The following F8 variants were observed in gnomAD, a reference collection of about 807,000 sequenced individuals.
The protein encoded by F8 is coagulation factor VIII, also known as antihemophilic factor.
A neutral mutation model predicts 140.6 loss-of-function variants in F8; 12 were observed. That is an observed-to-expected ratio of 0.09 (90% CI 0.05 to 0.14). The LOEUF (loss-of-function observed/expected upper bound fraction) is 0.14, where lower values mean the gene tolerates loss of function less well. F8 is among the 10% of genes least tolerant of loss of function. The pLI is 1.00. For synonymous variants in F8, 585 were observed against 614.6 expected (o/e 0.95, Z 0.71); for missense variants, 1,354 against 1,720.7 (o/e 0.79, Z 3.77).
At chrX:155,004,320 T>C (rs2073665463) in intron 1 of F8, among the ~76,000 whole-genome samples, 5 of 112,325 alleles carry the variant, frequency 4.5e-5, no homozygotes, top group Admixed American at 3.8e-4. Flanking sequence ...GACCTGCCTT[T>C]CAATAAATAT....
intron 12 of F8, among the ~76,000 whole-genome samples, chrX:154,952,548 T>G (rs2073342611): frequency 9.2e-6 from 1 of 108,605 alleles, no homozygotes; most frequent in African/African-American, 3.4e-5. Context: ...TCAGGATTTT[T>G]TTTTTTTTTT....
At chrX:154,851,608 G>A (rs2072615985) in intron 25 of F8, among the ~76,000 whole-genome samples, 1 of 110,692 alleles carries the variant, frequency 9.0e-6, no homozygotes, top group South Asian at 3.8e-4. Flanking sequence ...ATCCTAGCAG[G>A]TTTGAAATGC....
At chrX:154,916,189 T>C (rs1557277092) in intron 14 of F8, among the ~76,000 whole-genome samples, 1 of 112,332 alleles carries the variant, frequency 8.9e-6, no homozygotes, top group Non-Finnish European at 1.9e-5. Flanking sequence ...TTTTAATGTG[T>C]TGTTGAATTT....
At chrX:154,882,063 G>A (rs1557274489) in intron 22 of F8, 1 of 278,889 alleles carries the variant, frequency 3.6e-6, no homozygotes, top group Non-Finnish European at 6.1e-6. Flanking sequence ...CTAGTGGGAG[G>A]TGATTGAATC....
chrX:154,877,743 C>T, intron 22 of F8, among the ~76,000 whole-genome samples: 1 of 111,958 alleles, frequency 8.9e-6, no homozygotes, highest in Middle Eastern at 4.6e-3. Context: ...CCCTATCGAA[C>T]TGTAAGATAA....
chrX:154,946,922 AT>A (rs2124080772), intron 13 of F8, among the ~76,000 whole-genome samples: 1 of 111,852 alleles, frequency 8.9e-6, no homozygotes, highest in African/African-American at 3.2e-5. Context: ...CTGAATAGAC[AT>A]TTCTCAAAAG....
Position 154,921,731 on chromosome X carries a change from G to A in F8, c.5219+6840C>T, listed in dbSNP as rs1231623814. Among the ~76,000 whole-genome samples, 3 of 111,291 alleles carry A rather than the reference G, an allele frequency of 2.7e-5. No homozygotes were observed. The East Asian group carries it at 8.4e-4, about 31-fold the overall frequency. ...AGGATGAGTTCATGTCCTTTGTAGG[G>A]ACATGGATGAAGCTGGAAACCATCA... On this transcript the variant is annotated intron_variant, in intron 14 of 25. Transcript: ENST00000360256.
In F8 at chrX:154,931,503, G is replaced by C; in HGVS notation, c.2287C>G (p.Gln763Glu). The C allele has an allele frequency of 8.3e-7, 1 of 1,211,601 alleles. No individual in the cohort carries two copies. The highest frequency in any genetic ancestry group is 1.1e-6 in the Non-Finnish European group (1 of 895,257). The change falls in exon 14 of 26, where the codon CAG becomes GAG. Residue 763 changes from glutamine to glutamate, a missense_variant. Gln to Glu is a conservative substitution (Grantham distance 29). Coordinates refer to ENST00000360256, the MANE Select transcript of F8 (RefSeq NM_000132.4). ...NNAIEPRSFS[Q>E]NSRHPSTRQK... is the part of the protein sequence containing the mutation. ...CTAGTGCTAGGGTGTCTTGAATTCT[G>C]GGAGAAGCTTCTTGGTTCAATGGCA...
chrX:154,934,614 G>C (rs1603433914), intron 13 of F8, among the ~76,000 whole-genome samples: 1 of 111,104 alleles, frequency 9.0e-6, no homozygotes. Context: ...GGGGAGGGGA[G>C]GAAAGAAATT....
At chrX:154,989,475 TATACCATTGTGCATTGTG>T (rs1446828076) in intron 4 of F8, among the ~76,000 whole-genome samples, 1 of 111,709 alleles carries the variant, frequency 9.0e-6, no homozygotes, top group Non-Finnish European at 1.9e-5. Flanking sequence ...CCAGAATGGC[TATACCATTGTGCATTGTG>T]AAACTTTCTG....
intron 13 of F8, among the ~76,000 whole-genome samples, chrX:154,939,855 A>G (rs896686723): frequency 1.8e-5 from 2 of 112,111 alleles, no homozygotes; most frequent in Admixed American, 1.9e-4. Flanking sequence ...TTTGCAGTTC[A>G]CCAATATCTG....
In F8 at chrX:155,007,509, C is replaced by T. The variant is rs782247658; in HGVS notation, c.144-7909G>A. Among the ~76,000 whole-genome samples, 3 of 112,019 alleles carry T rather than the reference C, an allele frequency of 2.7e-5. No homozygotes were observed. In the South Asian group the frequency reaches 1.1e-3, roughly 42 times the overall value. ...CCAACCCCTGGGCCCCTGACCAGTA[C>T]TGGTCTGTGGCCTGTTAGGAATGGG... On this transcript the variant is annotated intron_variant, in intron 1 of 25. Transcript: ENST00000360256.
Position 154,861,704 on chromosome X carries a change from C to A in F8, c.6723+14G>T. 8.3e-7 allele frequency: 1 copy of A among 1,210,985 alleles called. No individual in the cohort carries two copies. The highest frequency in any genetic ancestry group is 1.1e-6 in the Non-Finnish European group (1 of 894,868). On this transcript the variant is annotated intron_variant, in intron 24 of 25. Coordinates refer to ENST00000360256, the MANE Select transcript of F8 (RefSeq NM_000132.4). ...GCTCTGAGTCAGTTAAACAGTAAAT[C>A]TGTTGCCTCTTACCTGAGGTCTCCA...
intron 12 of F8, among the ~76,000 whole-genome samples, chrX:154,948,235 C>T (rs782768539): frequency 8.4e-4 from 93 of 111,114 alleles, no homozygotes; most frequent in Middle Eastern, 9.3e-3. Flanking sequence ...AAGTTACCAT[C>T]TGATGAAGGT....
chrX:154,969,298 T>C, intron 7 of F8, 33 bp downstream of exon 7: 1 of 1,139,086 alleles, frequency 8.8e-7, no homozygotes, highest in Non-Finnish European at 1.2e-6. Flanking sequence ...ACTGGATATT[T>C]ATAATATTCA....
chrX:155,019,699 T>A (rs1292722560), intron 1 of F8, among the ~76,000 whole-genome samples: 1 of 110,331 alleles, frequency 9.1e-6, no homozygotes. Context: ...GGGGCTGATA[T>A]ACAGGAGAAT....
chrX:154,894,037 C>T (rs895300562), intron 22 of F8, among the ~76,000 whole-genome samples: 1 of 112,187 alleles, frequency 8.9e-6, no homozygotes, highest in Non-Finnish European at 1.9e-5. Flanking sequence ...AATCCCAGGT[C>T]TTCAGACAAA....
At chrX:154,843,937 G>C (rs1401268377) in intron 25 of F8, among the ~76,000 whole-genome samples, 1 of 111,615 alleles carries the variant, frequency 9.0e-6, no homozygotes, top group Non-Finnish European at 1.9e-5. Context: ...TAACATTTAA[G>C]TCTTTAATCC....
rs886359315 is a variant in F8 at position 154,837,752 on chromosome X, C to T, written c.6901G>A (p.Val2301Ile). 2 of 1,210,675 alleles carry T rather than the reference C, an allele frequency of 1.7e-6. No individual in the cohort carries two copies. Among genetic ancestry groups the T allele is most frequent in the Non-Finnish European group, 2.2e-6 (2 of 894,450 alleles). Reference sequence around the variant, plus strand: ...AAGGAGTCTTGATTTCCCTGAAAAACCTGAAAGAGGAAAGATAGCATTTAT... The same window carrying T: ...AAGGAGTCTTGATTTCCCTGAAAAATCTGAAAGAGGAAAGATAGCATTTAT... Reference protein sequence around the residue: ...TLFFQNGKVKVFQGNQDSFTP... With the variant: ...TLFFQNGKVKIFQGNQDSFTP... Residue 2301 changes from valine to isoleucine, a missense_variant and splice_region_variant, in exon 26 of 26, where the codon GTT (valine) becomes ATT (isoleucine). This residue lies in a region of F8 where 316 missense variants were observed against 485.4 expected (regional missense o/e 0.65). Coordinates refer to ENST00000360256, the MANE Select transcript of F8 (RefSeq NM_000132.4).
Sources: allele counts gnomAD v4.1 joint callset (sites outside exome capture counted in the v4.1 genomes callset), GRCh38; gene constraint gnomAD v4.1.1; regional missense constraint gnomAD v4.1.1; transcripts MANE v1.5; gene names NCBI Gene and HGNC (gene_info 2026-07-23, HGNC 2026-07-21).